The following ZBTB20 variants were observed in gnomAD, a reference collection of about 807,000 sequenced individuals.
The protein encoded by ZBTB20 is zinc finger and BTB domain containing 20, also known as zinc finger and BTB domain-containing protein 20.
Under a neutral mutation model 56.9 loss-of-function variants are expected in ZBTB20, and 9 were observed. The ratio of observed to expected loss-of-function variants is 0.16; its 90% CI spans 0.10 to 0.28. The LOEUF is 0.28. Among genes scored for constraint, ZBTB20 ranks in the 10% least tolerant of loss-of-function variants. The probability of loss-of-function intolerance (pLI) is 1.00; values close to 1 mark genes in which losing one functional copy is unlikely to be tolerated. For missense variants in ZBTB20, 655 were observed against 1,003.0 expected (o/e 0.65, Z 4.69); for synonymous variants, 417 against 420.7 (o/e 0.99, Z 0.11).
chr3:114,611,830 A>G (rs1441561921), intron 6 of ZBTB20, among the ~76,000 whole-genome samples: 2 of 142,554 alleles, frequency 1.4e-5, no homozygotes, highest in Admixed American at 1.4e-4. Flanking sequence ...AGCCAGGTTA[A>G]CTTCTAAAAC....
At chr3:114,703,632 A>G (rs1431092248) in intron 5 of ZBTB20, among the ~76,000 whole-genome samples, 1 of 152,184 alleles carries the variant, frequency 6.6e-6, no homozygotes, top group Non-Finnish European at 1.5e-5. Flanking sequence ...TAAAGCAAAA[A>G]CTCACAACCA....
chr3:114,955,403 T>G (rs2077212659), intron 3 of ZBTB20, among the ~76,000 whole-genome samples: 1 of 152,222 alleles, frequency 6.6e-6, no homozygotes, highest in African/African-American at 2.4e-5. Context: ...CCACATTGTT[T>G]GCATCATTCC....
chr3:114,515,323 A>C (rs546311799), intron 6 of ZBTB20, among the ~76,000 whole-genome samples: 1 of 152,142 alleles, frequency 6.6e-6, no homozygotes, highest in Non-Finnish European at 1.5e-5. Flanking sequence ...GATACCCACC[A>C]GCTCCATCAA....
intron 6 of ZBTB20, among the ~76,000 whole-genome samples, chr3:114,542,018 C>A (rs1313274784): frequency 6.6e-6 from 1 of 152,048 alleles, no homozygotes; most frequent in Non-Finnish European, 1.5e-5. Context: ...ATCTGGATGT[C>A]TACAGGTATT....
intron 7 of ZBTB20, among the ~76,000 whole-genome samples, chr3:114,411,254 C>T (rs2087918440): frequency 6.6e-6 from 1 of 152,188 alleles, no homozygotes; most frequent in South Asian, 2.1e-4. Flanking sequence ...AGGGTCATCA[C>T]CAGTAAAACT....
Position 114,543,262 on chromosome 3 carries a change from T to C in ZBTB20, c.-294-42871A>G, listed in dbSNP as rs575303885. 2.4e-4 allele frequency among the ~76,000 whole-genome samples: 37 copies of C among 151,778 alleles called. No homozygotes were observed. In the South Asian group the frequency reaches 7.1e-3, roughly 29 times the overall value. On this transcript the variant is annotated intron_variant, in intron 6 of 11. Transcript: ENST00000675478. The stretch of plus-strand genomic sequence containing the variant: ...TCTTTTTTTTGGTATATTGTTATTT[T>C]TTATTGTTTTTTTTCCAAATATTTT...
chr3:115,048,030 C>A (rs749540246), intron 2 of ZBTB20, among the ~76,000 whole-genome samples: 64 of 151,618 alleles, frequency 4.2e-4, no homozygotes, highest in Non-Finnish European at 4.0e-4. Flanking sequence ...ACCATCCTGG[C>A]TAACACGGTG....
chr3:115,063,800 C>A (rs893616309), intron 2 of ZBTB20, among the ~76,000 whole-genome samples: 10 of 152,048 alleles, frequency 6.6e-5, no homozygotes, highest in African/African-American at 2.4e-4. Context: ...TGCCTGATTT[C>A]TAAATAATAT....
intron 1 of ZBTB20, among the ~76,000 whole-genome samples, chr3:115,128,742 A>AAGGGG (rs1160961641): frequency 2.9e-5 from 2 of 68,700 alleles, no homozygotes; most frequent in Non-Finnish European, 2.9e-5. Flanking sequence ...GAGGGGAGGG[A>AAGGGG]AGGGGAGGGG....
chr3:114,463,273 G>C (rs184814447), intron 7 of ZBTB20, among the ~76,000 whole-genome samples: 1 of 152,326 alleles, frequency 6.6e-6, no homozygotes, highest in Admixed American at 6.5e-5. Flanking sequence ...TTTAGCAGGA[G>C]AGTAAAGATA....
At chr3:114,896,402 AATT>A (rs2074880371) in intron 4 of ZBTB20, among the ~76,000 whole-genome samples, 1 of 152,172 alleles carries the variant, frequency 6.6e-6, no homozygotes, top group Non-Finnish European at 1.5e-5. Context: ...ACATGCAATT[AATT>A]ATTATTCAGC....
chr3:114,847,694 T>G (rs2074784729), intron 4 of ZBTB20, among the ~76,000 whole-genome samples: 1 of 152,136 alleles, frequency 6.6e-6, no homozygotes, highest in South Asian at 2.1e-4. Context: ...AACTGCTCTT[T>G]CATAATCTAC....
intron 4 of ZBTB20, among the ~76,000 whole-genome samples, chr3:114,888,094 T>TA (rs1386967202): frequency 3.5e-3 from 482 of 138,842 alleles, no homozygotes; most frequent in Non-Finnish European, 4.5e-3. Context: ...AATTGGTCAT[T>TA]AAAAAAAAAA....
chr3:115,039,249 G>A (rs139291725), intron 2 of ZBTB20, among the ~76,000 whole-genome samples: 2,356 of 152,128 alleles, frequency 0.015, 32 homozygotes, highest in South Asian at 0.049. Context: ...GAGGAAGGGT[G>A]AAAGACTAGA....
chr3:114,998,285 C>T (rs187377401), intron 2 of ZBTB20, among the ~76,000 whole-genome samples: 50 of 151,702 alleles, frequency 3.3e-4, no homozygotes, highest in Non-Finnish European at 5.8e-4. Context: ...ATTTTTTGTA[C>T]GTCTTTGTAT....
intron 4 of ZBTB20, among the ~76,000 whole-genome samples, chr3:114,846,746 C>T (rs1003931479): frequency 5.3e-5 from 8 of 152,140 alleles, no homozygotes; most frequent in African/African-American, 1.9e-4. Flanking sequence ...GAATTCAATA[C>T]TGCCTGGATT....
intron 6 of ZBTB20, among the ~76,000 whole-genome samples, chr3:114,646,191 G>A (rs780039913): frequency 6.6e-6 from 1 of 151,712 alleles, no homozygotes; most frequent in Admixed American, 6.6e-5. Flanking sequence ...GAAAGTAGGG[G>A]TCTGTGGGTG....
chr3:114,734,081 T>C (rs889995226), intron 5 of ZBTB20, among the ~76,000 whole-genome samples: 47 of 152,218 alleles, frequency 3.1e-4, no homozygotes, highest in African/African-American at 1.1e-3. Context: ...TCCTAAAAAT[T>C]GTTTGAACCA....
intron 7 of ZBTB20, among the ~76,000 whole-genome samples, chr3:114,434,558 T>TTGCGTGTGTGTGTGTG (rs137894546): frequency 1.4e-5 from 2 of 145,944 alleles, no homozygotes; most frequent in Admixed American, 6.9e-5. Context: ...GTGTGTGTGT[T>TTGCGTGTGTGTGTGTG]TGTGTGTGTG....
Sources: gnomAD v4.1 joint callset for allele counts (sites outside exome capture counted in the v4.1 genomes callset) on GRCh38, gnomAD v4.1.1 for gene constraint, MANE v1.5 for transcripts, NCBI Gene and HGNC (gene_info 2026-07-23, HGNC 2026-07-21) for gene names.